Variants in PCDHA10 observed in about 807,000 individuals in gnomAD.
PCDHA10 encodes protocadherin alpha 10.
Under a neutral mutation model 61.2 loss-of-function variants are expected in PCDHA10, and 45 were observed. That is an observed-to-expected ratio of 0.74 (90% CI 0.58 to 0.94). PCDHA10 has a LOEUF of 0.94. Ranked by LOEUF, PCDHA10 falls within the 40% of genes least tolerant of loss-of-function variation. The pLI, the probability that PCDHA10 is intolerant of heterozygous loss-of-function variation, is 0.00. For missense variants in PCDHA10, 1,278 were observed against 1,236.2 expected, an observed-to-expected ratio of 1.03 and a Z score of -0.51; for synonymous variants, 602 against 548.8, an observed-to-expected ratio of 1.10 and a Z score of -1.35.
rs191251073 is a variant in PCDHA10, at chr5:140,928,748, G to C, written c.2389-50201G>C. ...ATTTCAGCCAATATAGGTGAGCTCCGTACTGCTCGCTTAGTTCTTCCCACT... is the reference window on the plus strand; with the variant it reads ...ATTTCAGCCAATATAGGTGAGCTCCCTACTGCTCGCTTAGTTCTTCCCACT... On this transcript the variant is annotated intron_variant, in intron 1 of 3. Coordinates refer to ENST00000307360, the MANE Select transcript of PCDHA10 (RefSeq NM_018901.4). The C allele has an allele frequency of 1.9e-6, 3 of 1,614,114 alleles. No individual in the cohort carries two copies. In the Admixed American group the frequency reaches 5.0e-5, roughly 27 times the overall value.
rs146587864 is a variant in PCDHA10 at position 140,950,030 on chromosome 5, A to G, written c.2389-28919A>G. Among the ~76,000 whole-genome samples the G allele has an allele frequency of 2.6e-4, 39 of 152,064 alleles. 1 individual carries two copies. The East Asian group carries it at 4.8e-3, about 19-fold the overall frequency. On this transcript the variant is annotated intron_variant, in intron 1 of 3. Transcript: ENST00000307360. ...TGTACAACCTTCATAAAATATAGAA[A>G]AGTTACAACCATATAAGACTATTTA...
chr5:140,951,966 C>G (rs1554220177), intron 1 of PCDHA10, among the ~76,000 whole-genome samples: 1 of 152,128 alleles, frequency 6.6e-6, no homozygotes, highest in African/African-American at 2.4e-5. Flanking sequence ...GGTAAATACT[C>G]CTGTTCCAAA....
Position 140,992,419 on chromosome 5 carries a change from A to C in PCDHA10, c.2536+9856A>C, listed in dbSNP as rs554370784. The stretch of plus-strand genomic sequence containing the variant: ...GAGATATTGTTCTGCCCCAGGTCTA[A>C]GAATATTGTTCCAAGAGTTGGGAGC... On this transcript the variant is annotated intron_variant, in intron 3 of 3. Transcript: ENST00000307360. Among the ~76,000 whole-genome samples the C allele has an allele frequency of 3.3e-5, 5 of 152,318 alleles. No individual in the cohort carries two copies. In the East Asian group the frequency reaches 7.7e-4, roughly 23 times the overall value.
At chr5:141,001,833 G>GAGACAGAGAGAGAGGTTGATT (rs1554258319) in intron 3 of PCDHA10, among the ~76,000 whole-genome samples, 1 of 151,780 alleles carries the variant, frequency 6.6e-6, no homozygotes, top group East Asian at 1.9e-4. Context: ...GACAGAGAGG[G>GAGACAGAGAGAGAGGTTGATT]AGACAGAGAG....
chr5:141,000,651 C>G (rs1325110453), intron 3 of PCDHA10, among the ~76,000 whole-genome samples: 2 of 151,708 alleles, frequency 1.3e-5, no homozygotes, highest in African/African-American at 4.8e-5. Flanking sequence ...TGGTCTCGAA[C>G]TCCTGACCTC....
At chr5:140,884,812 G>C in intron 1 of PCDHA10, 2 of 1,117,104 alleles carry the variant, frequency 1.8e-6, no homozygotes, top group Non-Finnish European at 2.5e-6. Flanking sequence ...ACTCTGCTGT[G>C]GACATTATGT....
intron 1 of PCDHA10, among the ~76,000 whole-genome samples, chr5:140,965,818 A>G (rs1554227859): frequency 2.6e-5 from 4 of 152,344 alleles, no homozygotes; most frequent in African/African-American, 9.6e-5. Flanking sequence ...AGAGCATTTT[A>G]AACATTTAAA....
intron 1 of PCDHA10, chr5:140,867,266 A>G (rs553827522): frequency 2.6e-5 from 4 of 152,196 alleles, no homozygotes; most frequent in African/African-American, 9.6e-5. Flanking sequence ...CTTTTGTTCA[A>G]AATAAACCTG....
chr5:140,970,078 A>G (rs1260486106), intron 1 of PCDHA10, among the ~76,000 whole-genome samples: 2 of 152,124 alleles, frequency 1.3e-5, no homozygotes, highest in African/African-American at 4.8e-5. Context: ...TGAGTGGATT[A>G]GGGGTGTGGG....
chr5:140,893,107 G>A (rs1324641421), intron 1 of PCDHA10, among the ~76,000 whole-genome samples: 4 of 152,226 alleles, frequency 2.6e-5, no homozygotes, highest in East Asian at 1.9e-4. Flanking sequence ...ATAATATTCC[G>A]TTGTGCATAT....
At chr5:140,978,319 A>G (rs1294780698) in intron 1 of PCDHA10, among the ~76,000 whole-genome samples, 2 of 152,216 alleles carry the variant, frequency 1.3e-5, no homozygotes, top group Admixed American at 1.3e-4. Context: ...AGCAGGAACA[A>G]GTACAAGTTT....
At chr5:140,885,236 T>C (rs2060525853) in intron 1 of PCDHA10, among the ~76,000 whole-genome samples, 1 of 152,166 alleles carries the variant, frequency 6.6e-6, no homozygotes, top group Non-Finnish European at 1.5e-5. Context: ...CTGCTTTCAA[T>C]TTTTTATTTG....
At chr5:140,934,437 T>C (rs950173265) in intron 1 of PCDHA10, among the ~76,000 whole-genome samples, 4 of 152,298 alleles carry the variant, frequency 2.6e-5, no homozygotes, top group Admixed American at 6.5e-5. Context: ...AGTGTAAATA[T>C]AGTGAAAAAT....
intron 1 of PCDHA10, among the ~76,000 whole-genome samples, chr5:140,953,052 C>T (rs2094839858): frequency 6.6e-6 from 1 of 152,206 alleles, no homozygotes; most frequent in Non-Finnish European, 1.5e-5. Flanking sequence ...ATCCAATCAC[C>T]TCTCACAGGC....
intron 3 of PCDHA10, among the ~76,000 whole-genome samples, chr5:140,993,305 G>C (rs1405035028): frequency 6.6e-6 from 1 of 151,998 alleles, no homozygotes; most frequent in African/African-American, 2.4e-5. Flanking sequence ...CTTGCCTCCA[G>C]GATAATACCT....
At chr5:140,872,294 T>C in intron 1 of PCDHA10, among the ~76,000 whole-genome samples, 1 of 152,190 alleles carries the variant, frequency 6.6e-6, no homozygotes, top group East Asian at 1.9e-4. Flanking sequence ...AAGCCTTGCA[T>C]TCTTATATGC....
rs547873702 is a variant in PCDHA10 at position 140,879,516 on chromosome 5, T to C, written c.2388+21080T>C. 3.3e-5 allele frequency among the ~76,000 whole-genome samples: 5 copies of C among 152,322 alleles called. No homozygotes were observed. The East Asian group carries it at 7.7e-4, about 23-fold the overall frequency. On this transcript the variant is annotated intron_variant, in intron 1 of 3. Transcript: ENST00000307360. The stretch of plus-strand genomic sequence containing the variant: ...TGGATCTCAGAAGAGATTATTGATA[T>C]AGATTTTGGGAACAACTCCTTTAGA...
intron 1 of PCDHA10, chr5:140,966,951 C>T (rs781885198): frequency 6.2e-7 from 1 of 1,603,742 alleles, no homozygotes; most frequent in Non-Finnish European, 8.5e-7. Context: ...GGCAACGTGG[C>T]TCGCGCGCTG....
Position 140,857,932 on chromosome 5 carries a change from C to T in PCDHA10, c.1884C>T (p.Gly628=). Residue 628 remains glycine (G), a synonymous_variant, in exon 1 of 4, where the codon GGC becomes GGT. Transcript: ENST00000307360. ...CGTTTCGCGTGGGGCTGTACACGGG[C>T]GAGATCAGTACGACGCGCGCTCTGG... is the stretch of plus-strand genomic sequence containing the variant. ...RIPFRVGLYT[G]EISTTRALDE... 1 of 1,597,630 alleles carries T rather than the reference C, an allele frequency of 6.3e-7. No individual in the cohort carries two copies. The highest frequency in any genetic ancestry group is 2.2e-5 in the East Asian group (1 of 44,810).
Sources: allele counts gnomAD v4.1 joint callset (sites outside exome capture counted in the v4.1 genomes callset), GRCh38; gene constraint gnomAD v4.1.1; transcripts MANE v1.5; gene names NCBI Gene and HGNC (gene_info 2026-07-23, HGNC 2026-07-21).